The following SORCS2 variants were observed in gnomAD, a reference collection of about 807,000 sequenced individuals.
SORCS2 encodes VPS10 domain-containing receptor SorCS2.
Under a neutral mutation model 141.6 loss-of-function variants are expected in SORCS2, and 100 were observed. The ratio of observed to expected loss-of-function variants is 0.71; its 90% confidence interval spans 0.60 to 0.83. The LOEUF (loss-of-function observed/expected upper bound fraction) is 0.83. Ranked by LOEUF, SORCS2 falls within the 40% of genes least tolerant of loss-of-function variation. The pLI, the probability that SORCS2 is intolerant of heterozygous loss-of-function variation, is 0.00. For synonymous variants in SORCS2, 789 were observed against 676.9 expected, an observed-to-expected ratio of 1.17 and a Z score of -2.57; for missense variants, 1,646 against 1,560.2, an observed-to-expected ratio of 1.05 and a Z score of -0.93.
intron 1 of SORCS2, among the ~76,000 whole-genome samples, chr4:7,308,196 G>C (rs1052959166): frequency 2.6e-4 from 40 of 152,280 alleles, no homozygotes; most frequent in African/African-American, 9.4e-4. Flanking sequence ...CCGAGTCCCT[G>C]CGTGAAACTC....
intron 1 of SORCS2, among the ~76,000 whole-genome samples, chr4:7,358,023 T>C (rs1245616818): frequency 1.3e-5 from 2 of 152,186 alleles, no homozygotes; most frequent in African/African-American, 4.8e-5. Flanking sequence ...GTACCCCCCA[T>C]TCCCAAGGAG....
At chr4:7,723,998 C>T (rs1447555364) in intron 19 of SORCS2, 115 bp downstream of exon 19, 27 of 1,263,924 alleles carry the variant, frequency 2.1e-5, no homozygotes, top group East Asian at 7.7e-5. Context: ...GTACTCAGGA[C>T]GGTGAACCCG....
intron 2 of SORCS2, among the ~76,000 whole-genome samples, chr4:7,488,599 C>G (rs1454192314): frequency 6.6e-6 from 1 of 152,204 alleles, no homozygotes; most frequent in Non-Finnish European, 1.5e-5. Context: ...GCCTCTGTCC[C>G]CAGGACCTCC....
At chr4:7,544,970 C>T (rs1212302857) in intron 3 of SORCS2, among the ~76,000 whole-genome samples, 2 of 152,196 alleles carry the variant, frequency 1.3e-5, no homozygotes, top group Admixed American at 6.5e-5. Flanking sequence ...TTCTCCATTT[C>T]CCTTGATAGC....
chr4:7,337,507 C>T (rs950124597), intron 1 of SORCS2, among the ~76,000 whole-genome samples: 110 of 152,180 alleles, frequency 7.2e-4, no homozygotes, highest in African/African-American at 2.1e-3. Flanking sequence ...GCAGGTGCAC[C>T]GGCCCTGAGG....
chr4:7,337,246 C>T (rs533114942), intron 1 of SORCS2, among the ~76,000 whole-genome samples: 2 of 152,248 alleles, frequency 1.3e-5, no homozygotes, highest in South Asian at 2.1e-4. Flanking sequence ...CTACTGTGTG[C>T]GGGGCCTTAT....
At chr4:7,448,689 C>CGT (rs1728175522) in intron 2 of SORCS2, among the ~76,000 whole-genome samples, 1 of 141,180 alleles carries the variant, frequency 7.1e-6, no homozygotes, top group Non-Finnish European at 1.6e-5. Flanking sequence ...TCCCTTCCTT[C>CGT]CTCTCTCTGC....
At chr4:7,483,504 G>C (rs560887184) in intron 2 of SORCS2, among the ~76,000 whole-genome samples, 1 of 152,054 alleles carries the variant, frequency 6.6e-6, no homozygotes, top group South Asian at 2.1e-4. Flanking sequence ...TACTGTTGAC[G>C]CCTCGATTTG....
chr4:7,332,701 C>G (rs184506672), intron 1 of SORCS2, among the ~76,000 whole-genome samples: 231 of 152,344 alleles, frequency 1.5e-3, no homozygotes, highest in African/African-American at 5.4e-3. Context: ...AGGGCTGGAG[C>G]CTCCAAATCC....
At chr4:7,331,815 C>T (rs992409141) in intron 1 of SORCS2, among the ~76,000 whole-genome samples, 14 of 152,194 alleles carry the variant, frequency 9.2e-5, no homozygotes, top group South Asian at 2.1e-4. Flanking sequence ...GAGCCCTGGA[C>T]CCCTGCTGGG....
At chr4:7,717,265 C>T (rs539719046) in intron 17 of SORCS2, among the ~76,000 whole-genome samples, 3 of 152,318 alleles carry the variant, frequency 2.0e-5, no homozygotes, top group South Asian at 2.1e-4. Context: ...TCCTGCTCAT[C>T]CTCCCATTCT....
At chr4:7,330,385 C>T (rs1353517638) in intron 1 of SORCS2, among the ~76,000 whole-genome samples, 1 of 152,038 alleles carries the variant, frequency 6.6e-6, no homozygotes, top group Non-Finnish European at 1.5e-5. Flanking sequence ...CAGGTCAGGG[C>T]AGCTGTGCCC....
intron 1 of SORCS2, among the ~76,000 whole-genome samples, chr4:7,239,027 A>G (rs7660237): frequency 0.49 from 73,932 of 152,120 alleles, 19,503 homozygotes; most frequent in African/African-American, 0.7. Context: ...GGAGTTCAGC[A>G]GGGAGCTGGG....
chr4:7,410,920 C>T (rs1725258378), intron 2 of SORCS2, among the ~76,000 whole-genome samples: 1 of 149,816 alleles, frequency 6.7e-6, no homozygotes, highest in Non-Finnish European at 1.5e-5. Flanking sequence ...ATTCCTAGCC[C>T]CTGGGCCCAG....
rs138865732 is a variant in SORCS2 at position 7,298,454 on chromosome 4, C to T, written c.481-97834C>T. Among the ~76,000 whole-genome samples, 23 of 150,798 alleles carry T rather than the reference C, an allele frequency of 1.5e-4. No homozygotes were observed. The East Asian group carries it at 3.1e-3, about 20-fold the overall frequency. On this transcript the variant is annotated intron_variant, in intron 1 of 26. Coordinates refer to ENST00000507866, the MANE Select transcript of SORCS2 (RefSeq NM_020777.3). ...GTGCAGACTTTTCTGGAGAGGGTGC[C>T]GGGAGCTTCCTTTGGCCTCTGATCG...
At chr4:7,583,460 A>T (rs1577790650) in intron 3 of SORCS2, among the ~76,000 whole-genome samples, 2 of 152,296 alleles carry the variant, frequency 1.3e-5, no homozygotes, top group East Asian at 3.9e-4. Context: ...GTTTATCCTC[A>T]GATATGGTTT....
At chr4:7,726,992 A>G in intron 21 of SORCS2, 89 bp downstream of exon 21, 1 of 1,179,602 alleles carries the variant, frequency 8.5e-7, no homozygotes, top group Non-Finnish European at 1.2e-6. Flanking sequence ...TAAGCCATGG[A>G]TGTCCTGGTC....
intron 1 of SORCS2, among the ~76,000 whole-genome samples, chr4:7,394,480 A>G (rs912028357): frequency 1.4e-5 from 2 of 145,760 alleles, no homozygotes; most frequent in Non-Finnish European, 3.0e-5. Flanking sequence ...TCAGGCTGAG[A>G]TCTGAAGGTT....
At chr4:7,436,622 C>T (rs577858738) in intron 2 of SORCS2, among the ~76,000 whole-genome samples, 1 of 152,334 alleles carries the variant, frequency 6.6e-6, no homozygotes, top group South Asian at 2.1e-4. Context: ...TATGATTGAC[C>T]CACGCTGCTG....
Sources: allele counts gnomAD v4.1 joint callset (sites outside exome capture counted in the v4.1 genomes callset), GRCh38; gene constraint gnomAD v4.1.1; transcripts MANE v1.5; gene names NCBI Gene and HGNC (gene_info 2026-07-23, HGNC 2026-07-21).